NRXN1: variants seen among roughly 807,000 people sequenced by gnomAD.
NRXN1 encodes neurexin 1, also known as neurexin-1.
A neutral mutation model predicts 150.9 loss-of-function variants in NRXN1; 39 were observed. The observed-to-expected ratio is 0.26, with a 90% CI of 0.20 to 0.34. The LOEUF (loss-of-function observed/expected upper bound fraction) is 0.34. Ranked by LOEUF, NRXN1 falls within the 10% of genes least tolerant of loss-of-function variation. NRXN1 has a pLI of 1.00. For synonymous variants in NRXN1, 924 were observed against 757.0 expected (o/e 1.22, Z -3.62); for missense variants, 1,815 against 1,949.9 (o/e 0.93, Z 1.30).
At position 50,908,362 on chromosome 2, in the gene NRXN1, T is replaced by TACAC. The variant is rs71404979; in HGVS notation, c.832+13503_832+13506dup. On this transcript the variant is annotated intron_variant, in intron 5 of 22. Coordinates refer to ENST00000401669, the MANE Select transcript of NRXN1 (RefSeq NM_001330078.2). ...AAAAATACATACACACATTCACACA[T>TACAC]ACACACACACACACACACACACAAC... is the stretch of plus-strand genomic sequence containing the variant. Among the ~76,000 whole-genome samples the TACAC allele has an allele frequency of 2.3e-3, 341 of 148,218 alleles. 1 individual carries two copies. The highest frequency in any genetic ancestry group is 6.9e-3 in the Middle Eastern group (2 of 290).
chr2:50,051,403 A>G (rs906114232), intron 21 of NRXN1, among the ~76,000 whole-genome samples: 1 of 152,052 alleles, frequency 6.6e-6, no homozygotes, highest in African/African-American at 2.4e-5. Context: ...ATACCTGATT[A>G]TTTCAAATTA....
intron 5 of NRXN1, among the ~76,000 whole-genome samples, chr2:50,863,189 T>G (rs775963647): frequency 6.6e-6 from 1 of 152,188 alleles, no homozygotes; most frequent in South Asian, 2.1e-4. Context: ...ATTTTCCTTC[T>G]AAAGTATTCA....
chr2:50,542,958 T>C (rs2105289126), intron 9 of NRXN1, among the ~76,000 whole-genome samples: 1 of 152,282 alleles, frequency 6.6e-6, no homozygotes, highest in South Asian at 2.1e-4. Context: ...AAAATTGAGT[T>C]ATAAAATCAG....
chr2:50,531,359 C>G lies in NRXN1; in HGVS notation c.2215G>C (p.Ala739Pro), dbSNP rs938524073. 6.2e-7 allele frequency: 1 copy of G among 1,613,168 alleles called. No homozygotes were observed. The highest frequency in any genetic ancestry group is 8.5e-7 in the Non-Finnish European group (1 of 1,179,614). ...CGGAACCGTAAGGAAACATCCTCAG[C>G]CTCCGTATGCATGACTACGGGGAGC... is the stretch of plus-strand genomic sequence containing the variant. ...IQLPVVMHTE[A>P]EDVSLRFRSQ... The change falls in exon 11 of 23, where the codon GCT becomes CCT. Residue 739 changes from alanine to proline, a missense_variant. Coordinates refer to ENST00000401669, the MANE Select transcript of NRXN1 (RefSeq NM_001330078.2).
intron 21 of NRXN1, among the ~76,000 whole-genome samples, chr2:49,949,445 A>T (rs1026070555): frequency 2.6e-5 from 4 of 151,986 alleles, no homozygotes; most frequent in Non-Finnish European, 5.9e-5. Flanking sequence ...CCCTGCTAAG[A>T]ATAACATTCC....
chr2:50,504,532 T>C (rs188367227), intron 13 of NRXN1, among the ~76,000 whole-genome samples: 2 of 152,282 alleles, frequency 1.3e-5, no homozygotes, highest in Non-Finnish European at 2.9e-5. Context: ...GAACTTTTTA[T>C]AAATTTGAAA....
At chr2:49,949,192 T>A (rs1419360776) in intron 21 of NRXN1, among the ~76,000 whole-genome samples, 1 of 151,980 alleles carries the variant, frequency 6.6e-6, no homozygotes, top group Non-Finnish European at 1.5e-5. Context: ...GTAGACCAAG[T>A]GATTTAATAC....
chr2:49,980,242 A>T (rs1187512978), intron 21 of NRXN1, among the ~76,000 whole-genome samples: 1 of 152,182 alleles, frequency 6.6e-6, no homozygotes, highest in Non-Finnish European at 1.5e-5. Flanking sequence ...CACGTTAAAC[A>T]TCCAGATTTC....
intron 2 of NRXN1, among the ~76,000 whole-genome samples, chr2:50,931,723 G>A (rs895523119): frequency 2.6e-5 from 4 of 152,002 alleles, no homozygotes; most frequent in Admixed American, 6.6e-5. Context: ...GTATTTACAT[G>A]TGTCAGTTTA....
intron 17 of NRXN1, among the ~76,000 whole-genome samples, chr2:50,386,315 T>C (rs2882691): frequency 0.22 from 33,509 of 151,706 alleles, 4,085 homozygotes; most frequent in East Asian, 0.43. Flanking sequence ...TATTGGAGAT[T>C]TGTCTTAATA....
At chr2:50,670,946 G>A (rs1277769093) in intron 5 of NRXN1, among the ~76,000 whole-genome samples, 2 of 151,952 alleles carry the variant, frequency 1.3e-5, no homozygotes, top group Non-Finnish European at 1.5e-5. Flanking sequence ...CACTGTAAAA[G>A]TTACTATGTA....
chr2:50,598,885 G>A (rs1379018953), intron 8 of NRXN1, among the ~76,000 whole-genome samples: 6 of 151,748 alleles, frequency 4.0e-5, no homozygotes, highest in Non-Finnish European at 5.9e-5. Context: ...AGCTGCCCAA[G>A]TAGCTGGGAT....
At chr2:50,399,497 G>A (rs2082256802) in intron 17 of NRXN1, among the ~76,000 whole-genome samples, 1 of 151,844 alleles carries the variant, frequency 6.6e-6, no homozygotes, top group Non-Finnish European at 1.5e-5. Context: ...GTTCTGTTCA[G>A]TTCCATGCTT....
intron 5 of NRXN1, chr2:50,829,438 T>C: frequency 6.6e-7 from 1 of 1,518,666 alleles, no homozygotes; most frequent in Non-Finnish European, 9.1e-7. Context: ...AACTCAGGAT[T>C]TTTCCCTTTG....
chr2:50,745,193 T>A (rs1699865206), intron 5 of NRXN1, among the ~76,000 whole-genome samples: 1 of 152,130 alleles, frequency 6.6e-6, no homozygotes. Context: ...GATAATAGTA[T>A]CTACATGAAA....
chr2:50,917,821 T>C (rs1439496252), intron 5 of NRXN1: 1 of 151,596 alleles, frequency 6.6e-6, no homozygotes, highest in African/African-American at 2.4e-5. Flanking sequence ...GGTATTTTTA[T>C]ATAGAAGCCC....
intron 15 of NRXN1, among the ~76,000 whole-genome samples, chr2:50,491,159 A>G (rs1000255362): frequency 4.6e-5 from 7 of 152,168 alleles, no homozygotes; most frequent in African/African-American, 1.7e-4. Context: ...TGAATGTACA[A>G]AGCCTGGGCA....
chr2:50,152,069 C>T (rs2058728905), intron 18 of NRXN1, among the ~76,000 whole-genome samples: 1 of 151,534 alleles, frequency 6.6e-6, no homozygotes, highest in Non-Finnish European at 1.5e-5. Flanking sequence ...AATATACTGT[C>T]TTAACCATTT....
At chr2:50,382,653 A>AG (rs1444623291) in intron 17 of NRXN1, among the ~76,000 whole-genome samples, 5 of 152,172 alleles carry the variant, frequency 3.3e-5, no homozygotes, top group Non-Finnish European at 5.9e-5. Context: ...CTCCCTAGAT[A>AG]GAGAGTTATG....
Sources: allele counts gnomAD v4.1 joint callset (sites outside exome capture counted in the v4.1 genomes callset), GRCh38; gene constraint gnomAD v4.1.1; transcripts MANE v1.5; gene names NCBI Gene and HGNC (gene_info 2026-07-23, HGNC 2026-07-21).